CEP72: variants seen among roughly 807,000 people sequenced by gnomAD.
CEP72 encodes centrosomal protein of 72 kDa.
A neutral mutation model predicts 65.7 loss-of-function variants in CEP72; 78 were observed. The observed-to-expected ratio is 1.19, with a 90% confidence interval of 0.99 to 1.43. The LOEUF (loss-of-function observed/expected upper bound fraction) is 1.43, where lower values mean the gene tolerates loss of function less well. CEP72 is among the 40% of genes most tolerant of loss of function. CEP72 has a pLI of 0.00. For synonymous variants in CEP72, 358 were observed against 351.7 expected (o/e 1.02, Z -0.20); for missense variants, 914 against 832.9 (o/e 1.10, Z -1.20).
chr5:631,810 G>A (rs1214361969), intron 4 of CEP72, among the ~76,000 whole-genome samples: 2 of 50,532 alleles, frequency 4.0e-5, no homozygotes, highest in Non-Finnish European at 8.5e-5. Context: ...GCCCAGTCCT[G>A]GTGGGGTTCT....
chr5:675,168 GAA>G, the CEP72 span, among the ~76,000 whole-genome samples: 1 of 134,976 alleles, frequency 7.4e-6, no homozygotes. Flanking sequence ...GTGTGGCTGA[GAA>G]TGCAACATGG....
rs924673858 is a variant in CEP72 at position 645,270 on chromosome 5, G to A, written c.1666+845G>A. Among the ~76,000 whole-genome samples the A allele has an allele frequency of 1.2e-4, 19 of 152,112 alleles. No individual in the cohort carries two copies. The highest frequency in any genetic ancestry group is 2.4e-4 in the African/African-American group (10 of 41,418). On this transcript the variant is annotated intron_variant, in intron 10 of 11. Coordinates refer to ENST00000264935, the MANE Select transcript of CEP72 (RefSeq NM_018140.4). This position sits in a 1 kb window ranked among gnomAD's most constrained non-coding sequence, Gnocchi z 4.0. ...GCCGCTCTGTCTCCTTTGGGGCAGC[G>A]TCTCCTTGGATCTTTCGCCCGTTGG...
At position 626,416 on chromosome 5, in the gene CEP72, C is replaced by G. The variant is rs60011040; in HGVS notation, c.512+1837C>G. On this transcript the variant is annotated intron_variant, in intron 4 of 11. Coordinates refer to ENST00000264935, the MANE Select transcript of CEP72 (RefSeq NM_018140.4). ...AAGGCTCTCTTCCACTCTCAGTTTGCTGAAAGGAATCATCATGAAGGAGTG... is the reference window on the plus strand; with the variant it reads ...AAGGCTCTCTTCCACTCTCAGTTTGGTGAAAGGAATCATCATGAAGGAGTG... Among the ~76,000 whole-genome samples, 566 of 152,282 alleles carry G rather than the reference C, an allele frequency of 3.7e-3. 2 individuals are homozygous for G. The highest frequency in any genetic ancestry group is 0.013 in the African/African-American group (545 of 41,556).
intron 1 of CEP72, among the ~76,000 whole-genome samples, chr5:616,245 C>T (rs1256627652): frequency 6.6e-6 from 1 of 152,166 alleles, no homozygotes; most frequent in Non-Finnish European, 1.5e-5. Flanking sequence ...CAGTTTTCAT[C>T]TGTCATCTCC....
At chr5:659,916 C>T (rs114429348), downstream of CEP72, 1,208 of 152,456 alleles carry the variant, frequency 7.9e-3, 8 homozygotes, top group African/African-American at 0.014. Flanking sequence ...ACAATGTTAA[C>T]GACAGCAGAC....
downstream of CEP72, chr5:656,919 G>C (rs1739393333): frequency 6.6e-6 from 1 of 151,934 alleles, no homozygotes; most frequent in African/African-American, 2.4e-5. Flanking sequence ...TTTTTTGCTT[G>C]TTTTAAAGCT....
chr5:654,679 A>G (rs1194933271), downstream of CEP72, among the ~76,000 whole-genome samples: 1 of 152,212 alleles, frequency 6.6e-6, no homozygotes, highest in East Asian at 1.9e-4. Context: ...ATGTAAGAGT[A>G]TTAGAAGATG....
intron 4 of CEP72, among the ~76,000 whole-genome samples, chr5:628,137 C>T (rs1035611917): frequency 8.5e-5 from 13 of 152,214 alleles, no homozygotes; most frequent in African/African-American, 1.4e-4. Flanking sequence ...TTGACACGCC[C>T]GCCGGGTCGT....
chr5:649,196 T>C (rs1474908772), intron 11 of CEP72, among the ~76,000 whole-genome samples: 8 of 94,892 alleles, frequency 8.4e-5, no homozygotes, highest in South Asian at 3.7e-4. Flanking sequence ...GACTGTGAGG[T>C]GTGACTGTGA....
chr5:644,713 G>A (rs772359151), intron 10 of CEP72, among the ~76,000 whole-genome samples: 2 of 152,214 alleles, frequency 1.3e-5, no homozygotes, highest in African/African-American at 4.8e-5. Flanking sequence ...CAGGGCTGCA[G>A]CTGCTGGAGG....
chr5:647,647 C>T (rs913280978), intron 10 of CEP72, among the ~76,000 whole-genome samples, 158 bp from the exon 11 acceptor site: 4 of 152,250 alleles, frequency 2.6e-5, no homozygotes, highest in Non-Finnish European at 4.4e-5. Context: ...GGCATTCATG[C>T]TCGCCCTGTC....
Position 644,028 on chromosome 5 carries a change from A to G in CEP72, c.1540-271A>G, listed in dbSNP as rs75737679. ...CAGGTCCTGCTGGAGCACATGCCTCAGGGAGACTCAGGAGTGGGGCTCTCA... is the reference window on the plus strand; with the variant it reads ...CAGGTCCTGCTGGAGCACATGCCTCGGGGAGACTCAGGAGTGGGGCTCTCA... On this transcript the variant is annotated intron_variant, in intron 9 of 11. Coordinates refer to ENST00000264935, the MANE Select transcript of CEP72 (RefSeq NM_018140.4). 4.2e-3 allele frequency: 1,628 copies of G among 390,260 alleles called. 45 individuals carry two copies. The Admixed American group carries it at 0.049, about 12-fold the overall frequency. 24.2% of individuals were successfully genotyped at this position (390,260 alleles called of 1,614,324 possible). A position where few individuals can be genotyped will look rare whatever the true frequency, so the allele number is the denominator to read the frequency against.
chr5:662,854 G>A (rs1486815372), intron 1 of CEP72: 1 of 152,456 alleles, frequency 6.6e-6, no homozygotes, highest in African/African-American at 2.4e-5. Flanking sequence ...GGGTGATTCC[G>A]GTGGCCACTC....
chr5:652,489 G>A (rs1371303809), intron 11 of CEP72, among the ~76,000 whole-genome samples: 4 of 152,320 alleles, frequency 2.6e-5, no homozygotes, highest in Admixed American at 6.5e-5. Flanking sequence ...TGGGTAAAAT[G>A]TAATAGCACT....
intron 4 of CEP72, among the ~76,000 whole-genome samples, chr5:633,419 C>T (rs1173675701): frequency 6.8e-6 from 1 of 146,094 alleles, no homozygotes; most frequent in East Asian, 2.0e-4. Context: ...GGGGTGCTGT[C>T]CAGTGCCGGG....
downstream of CEP72, among the ~76,000 whole-genome samples, chr5:669,779 GGA>G (rs1344163801): frequency 6.6e-6 from 1 of 152,076 alleles, no homozygotes; most frequent in African/African-American, 2.4e-5. Flanking sequence ...ACACGGGCGG[GGA>G]GCTCTCCCCA....
At chr5:662,432 T>C (rs11738281) in intron 1 of CEP72, 21,256 of 152,362 alleles carry the variant, frequency 0.14, 1,893 homozygotes, top group Admixed American at 0.22. Context: ...CTCCTCAGTG[T>C]CCCTCGTCCC....
intron 9 of CEP72, chr5:643,244 G>A: frequency 1.0e-6 from 1 of 985,442 alleles, no homozygotes; most frequent in Non-Finnish European, 1.2e-6. Context: ...TCACAGCCCT[G>A]CCTTAAGAGC....
intron 11 of CEP72, among the ~76,000 whole-genome samples, chr5:648,812 GAGGTGT>G: frequency 7.5e-6 from 1 of 133,698 alleles, no homozygotes; most frequent in Admixed American, 7.4e-5. Context: ...CGTGGACTGT[GAGGTGT>G]GACTGTGAGG....
Sources: gnomAD v4.1 joint callset for allele counts (sites outside exome capture counted in the v4.1 genomes callset) on GRCh38, gnomAD v4.1.1 for gene constraint, Gnocchi (gnomAD v3.1) non-coding constraint, MANE v1.5 for transcripts, NCBI Gene and HGNC (gene_info 2026-07-23, HGNC 2026-07-21) for gene names.